Variants in GABRB2 observed in about 807,000 individuals in gnomAD.
GABRB2 encodes the protein gamma-aminobutyric acid type A receptor subunit beta2.
In GABRB2, 16 loss-of-function variants were observed where a neutral mutation model predicts 54.7. That is an observed-to-expected ratio of 0.29 (90% CI 0.20 to 0.44). The LOEUF (loss-of-function observed/expected upper bound fraction) is 0.44. Ranked by LOEUF, GABRB2 falls within the 20% of genes least tolerant of loss-of-function variation. The pLI is 1.00. For missense variants in GABRB2, 355 were observed against 644.0 expected, an observed-to-expected ratio of 0.55 and a Z score of 4.86; for synonymous variants, 244 against 233.8, an observed-to-expected ratio of 1.04 and a Z score of -0.40.
intron 3 of GABRB2, among the ~76,000 whole-genome samples, chr5:161,536,254 G>C (rs549784721): frequency 1.3e-5 from 2 of 152,068 alleles, no homozygotes; most frequent in Non-Finnish European, 2.9e-5. Context: ...AGTTCAGGAG[G>C]GGATGAGAGG....
At chr5:161,447,774 C>T (rs1757678243) in intron 4 of GABRB2, among the ~76,000 whole-genome samples, 1 of 152,192 alleles carries the variant, frequency 6.6e-6, no homozygotes, top group African/African-American at 2.4e-5. Context: ...TTTTAACAAA[C>T]ATTTTTGGCA....
At chr5:161,484,965 G>T (rs1296500213) in intron 3 of GABRB2, among the ~76,000 whole-genome samples, 2 of 151,992 alleles carry the variant, frequency 1.3e-5, no homozygotes, top group Non-Finnish European at 2.9e-5. Flanking sequence ...CACCATTTAT[G>T]CTTCTGAATA....
intron 8 of GABRB2, chr5:161,330,588 T>C (rs1226416707): frequency 1.6e-5 from 4 of 245,816 alleles, no homozygotes; most frequent in Admixed American, 5.1e-5. Flanking sequence ...GGTGAATAAA[T>C]TTAAAGAATG....
chr5:161,382,478 C>T (rs144650821), intron 5 of GABRB2, among the ~76,000 whole-genome samples: 2,923 of 152,086 alleles, frequency 0.019, 39 homozygotes, highest in Middle Eastern at 0.082. Context: ...ATCACATAAG[C>T]GAATGATACC....
intron 5 of GABRB2, among the ~76,000 whole-genome samples, chr5:161,375,592 C>A (rs1755269627): frequency 1.3e-5 from 2 of 152,142 alleles, no homozygotes; most frequent in South Asian, 4.1e-4. Context: ...AACATTATAG[C>A]AAGAGTAAGA....
chr5:161,414,640 T>C (rs1232826444), intron 4 of GABRB2, among the ~76,000 whole-genome samples: 2 of 152,092 alleles, frequency 1.3e-5, no homozygotes, highest in African/African-American at 4.8e-5. Context: ...AGGTGTGTTA[T>C]GAGATCAGGA....
chr5:161,322,619 A>G (rs1238173393), intron 9 of GABRB2, among the ~76,000 whole-genome samples: 1 of 151,962 alleles, frequency 6.6e-6, no homozygotes, highest in Non-Finnish European at 1.5e-5. Context: ...ATTTTTTTCC[A>G]TTCTTTACTA....
intron 5 of GABRB2, among the ~76,000 whole-genome samples, chr5:161,352,455 C>T (rs1252753703): frequency 6.6e-6 from 1 of 151,796 alleles, no homozygotes; most frequent in Admixed American, 6.6e-5. Context: ...AAGGCAAGAA[C>T]AGAAAGACAA....
chr5:161,409,116 G>A (rs992619932), intron 5 of GABRB2, among the ~76,000 whole-genome samples: 18 of 152,032 alleles, frequency 1.2e-4, no homozygotes, highest in African/African-American at 4.1e-4. Flanking sequence ...TTAGACTAAG[G>A]GGTTTTAGAA....
In GABRB2 at chr5:161,457,616, T is replaced by TTTTTAA. The variant is rs1188663904; in HGVS notation, c.458+2002_458+2007dup. On this transcript the variant is annotated intron_variant, in intron 4 of 9. Coordinates refer to ENST00000393959, the MANE Select transcript of GABRB2 (RefSeq NM_001371727.1). ...CCCCGCCACTACGCCCAGCAAATTT[T>TTTTTAA]TTTTAATTTTTAGTAGAGACAGGCT... Among the ~76,000 whole-genome samples the TTTTTAA allele has an allele frequency of 1.6e-4, 25 of 152,200 alleles. No homozygotes were observed. In the South Asian group the frequency reaches 2.1e-3, roughly 13 times the overall value.
At chr5:161,405,527 T>C (rs778104353) in intron 5 of GABRB2, among the ~76,000 whole-genome samples, 1 of 152,062 alleles carries the variant, frequency 6.6e-6, no homozygotes, top group Non-Finnish European at 1.5e-5. Context: ...GAAACCATAA[T>C]AGACAAGTCT....
At chr5:161,486,955 A>G (rs1035408446) in intron 3 of GABRB2, among the ~76,000 whole-genome samples, 5 of 151,896 alleles carry the variant, frequency 3.3e-5, no homozygotes, top group African/African-American at 1.2e-4. Context: ...TAACAGGAGA[A>G]AGGCTGAAAT....
intron 8 of GABRB2, among the ~76,000 whole-genome samples, chr5:161,328,228 G>A (rs1052721549): frequency 1.2e-4 from 19 of 152,294 alleles, no homozygotes; most frequent in Admixed American, 4.6e-4. Context: ...CTTTAGGGAT[G>A]CTACTGCATT....
At chr5:161,408,269 T>TA (rs1756403639) in intron 5 of GABRB2, among the ~76,000 whole-genome samples, 1 of 152,060 alleles carries the variant, frequency 6.6e-6, no homozygotes, top group South Asian at 2.1e-4. Context: ...ATATACTACT[T>TA]ACAAATATAT....
intron 4 of GABRB2, among the ~76,000 whole-genome samples, chr5:161,434,056 C>T (rs1580982443): frequency 6.6e-6 from 1 of 151,798 alleles, no homozygotes; most frequent in African/African-American, 2.4e-5. Flanking sequence ...GTAATATTTT[C>T]AAAGAAAAAG....
chr5:161,326,903 A>G (rs899763227), intron 8 of GABRB2: 1 of 736,666 alleles, frequency 1.4e-6, no homozygotes, highest in Non-Finnish European at 1.7e-6. Context: ...TTGATTCTCA[A>G]ATATGCGTGT....
Position 161,466,465 on chromosome 5 carries a change from C to T in GABRB2, c.238-6621G>A, listed in dbSNP as rs190068388. On this transcript the variant is annotated intron_variant, in intron 3 of 9. Transcript: ENST00000393959. ...CTAAATTTCTCTTCACTCATCTAAA[C>T]CTGAATCAACATATTCATTCAATGA... Among the ~76,000 whole-genome samples, 37 of 152,078 alleles carry T rather than the reference C, an allele frequency of 2.4e-4. No individual in the cohort carries two copies. In the East Asian group the frequency reaches 7.0e-3, roughly 29 times the overall value.
At chr5:161,355,624 T>C (rs1190019480) in intron 5 of GABRB2, among the ~76,000 whole-genome samples, 1 of 151,974 alleles carries the variant, frequency 6.6e-6, no homozygotes, top group African/African-American at 2.4e-5. Flanking sequence ...AAAAAATTGG[T>C]CTTTTTATCT....
At chr5:161,453,791 C>T (rs754954151) in intron 4 of GABRB2, among the ~76,000 whole-genome samples, 1 of 152,088 alleles carries the variant, frequency 6.6e-6, no homozygotes, top group Non-Finnish European at 1.5e-5. Flanking sequence ...AATCCTAGCA[C>T]ACTGGGAGGT....
Sources: allele counts gnomAD v4.1 joint callset (sites outside exome capture counted in the v4.1 genomes callset), GRCh38; gene constraint gnomAD v4.1.1; transcripts MANE v1.5; gene names NCBI Gene and HGNC (gene_info 2026-07-23, HGNC 2026-07-21).